NAALAD2: variants seen among roughly 807,000 people sequenced by gnomAD.
The protein encoded by NAALAD2 is N-acetylated alpha-linked acidic dipeptidase 2, also known as N-acetylated-alpha-linked acidic dipeptidase 2.
NAALAD2 carries 89 observed loss-of-function variants against 95.6 expected under a neutral mutation model. The observed-to-expected ratio is 0.93, with a 90% CI of 0.78 to 1.11. The LOEUF is 1.11. NAALAD2 is among the 50% of genes least tolerant of loss of function. The probability of loss-of-function intolerance (pLI) is 0.00; values close to 1 mark genes in which losing one functional copy is unlikely to be tolerated. For synonymous variants in NAALAD2, 264 were observed against 294.4 expected (o/e 0.90, Z 1.06); for missense variants, 894 against 872.4 (o/e 1.02, Z -0.31).
At chr11:90,182,547 C>T (rs1953004697) in intron 17 of NAALAD2, among the ~76,000 whole-genome samples, 1 of 152,070 alleles carries the variant, frequency 6.6e-6, no homozygotes, top group Admixed American at 6.6e-5. Context: ...TTATCTGCTC[C>T]TTTTTTCAGC....
In NAALAD2 at chr11:90,135,627, C is replaced by A; in HGVS notation, c.151C>A (p.Leu51Met). ...VRYHQSIRWK[L>M]VSEMKAENIK... ...CTATCATCAAAGTATACGGTGGAAA[C>A]TGGTATCCGAAATGAAAGCTGAAAA... The change falls in exon 2 of 19, where the codon CTG becomes ATG. Residue 51 changes from leucine (L) to methionine (M), a missense_variant. Coordinates refer to ENST00000534061, the MANE Select transcript of NAALAD2 (RefSeq NM_005467.4). 1.2e-6 allele frequency: 2 copies of A among 1,613,430 alleles called. No individual in the cohort carries two copies. The highest frequency in any genetic ancestry group is 8.5e-7 in the Non-Finnish European group (1 of 1,179,670).
intron 2 of NAALAD2, among the ~76,000 whole-genome samples, chr11:90,146,998 C>T (rs900435671): frequency 3.7e-4 from 57 of 152,206 alleles, no homozygotes; most frequent in African/African-American, 1.4e-3. Context: ...CAAAATGTCT[C>T]TGTTCTCTGA....
At chr11:90,178,219 A>G in intron 16 of NAALAD2, 102 bp downstream of exon 16, 1 of 1,305,120 alleles carries the variant, frequency 7.7e-7, no homozygotes, top group Non-Finnish European at 1.0e-6. Context: ...TAGAATACAT[A>G]TTTGCCTTAC....
chr11:90,173,615 A>T (rs1952705244), intron 13 of NAALAD2, among the ~76,000 whole-genome samples: 1 of 152,222 alleles, frequency 6.6e-6, no homozygotes, highest in Admixed American at 6.5e-5. Context: ...ACAGGTAGAC[A>T]TCATGAATAA....
chr11:90,155,326 TAATG>T (rs1435545380), intron 6 of NAALAD2, among the ~76,000 whole-genome samples: 1 of 118,136 alleles, frequency 8.5e-6, no homozygotes, highest in South Asian at 2.5e-4. Context: ...ATATAATATA[TAATG>T]TATAATTATA....
intron 2 of NAALAD2, among the ~76,000 whole-genome samples, chr11:90,146,084 G>A (rs1008794306): frequency 6.6e-6 from 1 of 152,002 alleles, no homozygotes; most frequent in Admixed American, 6.5e-5. Flanking sequence ...TTTATTAGCT[G>A]TAAAATTATG....
At chr11:90,169,865 A>G (rs574320483) in intron 12 of NAALAD2, among the ~76,000 whole-genome samples, 2 of 152,214 alleles carry the variant, frequency 1.3e-5, no homozygotes, top group Non-Finnish European at 2.9e-5. Flanking sequence ...AAGTCCACCA[A>G]GACCTTCTAC....
chr11:90,189,340 A>G (rs982536635), intron 18 of NAALAD2, among the ~76,000 whole-genome samples: 1 of 152,356 alleles, frequency 6.6e-6, no homozygotes, highest in East Asian at 1.9e-4. Flanking sequence ...GGTAATTTGC[A>G]CAGCAGCAAT....
intron 1 of NAALAD2, among the ~76,000 whole-genome samples, chr11:90,135,352 C>G (rs190304402): frequency 6.6e-6 from 1 of 152,154 alleles, no homozygotes; most frequent in Non-Finnish European, 1.5e-5. Context: ...AAATAAAACT[C>G]CTTTTAAGCA....
intron 8 of NAALAD2, among the ~76,000 whole-genome samples, chr11:90,161,712 A>G (rs375672847): frequency 5.5e-4 from 83 of 152,244 alleles, no homozygotes; most frequent in African/African-American, 1.8e-3. Context: ...GTTTAGACTA[A>G]TATCAATTTT....
At chr11:90,169,104 A>G in intron 12 of NAALAD2, 112 bp downstream of exon 12, 1 of 676,336 alleles carries the variant, frequency 1.5e-6, no homozygotes, top group South Asian at 2.2e-5. Context: ...CTAGCTTATT[A>G]AGCACCTCAG....
At chr11:90,161,990 T>A (rs1952311669) in intron 8 of NAALAD2, among the ~76,000 whole-genome samples, 1 of 152,034 alleles carries the variant, frequency 6.6e-6, no homozygotes, top group East Asian at 1.9e-4. Context: ...GCAAATGGAT[T>A]AAATATCAGA....
chr11:90,155,266 A>G (rs1952030851), intron 6 of NAALAD2, among the ~76,000 whole-genome samples: 1 of 124,174 alleles, frequency 8.1e-6, no homozygotes, highest in Admixed American at 9.9e-5. Flanking sequence ...ATATGTATAT[A>G]GAATGTATAT....
chr11:90,173,711 A>G (rs1206505442), intron 13 of NAALAD2, 113 bp from the exon 14 acceptor site: 5 of 651,660 alleles, frequency 7.7e-6, no homozygotes, highest in Non-Finnish European at 1.3e-5. Flanking sequence ...AAATATATAC[A>G]TGTACATATG....
intron 2 of NAALAD2, among the ~76,000 whole-genome samples, chr11:90,140,435 C>T (rs983033418): frequency 9.0e-5 from 12 of 133,654 alleles, no homozygotes; most frequent in Middle Eastern, 3.5e-3. Context: ...TTCATGCATT[C>T]GTGACAAACC....
chr11:90,162,771 C>T (rs555699623), intron 8 of NAALAD2, 178 bp from the exon 9 acceptor site: 17 of 407,238 alleles, frequency 4.2e-5, no homozygotes, highest in Non-Finnish European at 6.7e-5. Context: ...ACCTTACTTG[C>T]AAATGCTTCA....
At position 90,163,037 on chromosome 11, in the gene NAALAD2, G is replaced by A. The variant is rs1426341608; in HGVS notation, c.1075+3G>A. ...TATCAGAGGATCTGTGGAACCTGGT[G>A]AGTCACATAATTTTTTAAAACATTT... On this transcript the variant is annotated splice_donor_region_variant and intron_variant, in intron 9 of 18. Coordinates refer to ENST00000534061, the MANE Select transcript of NAALAD2 (RefSeq NM_005467.4). 2 of 1,534,728 alleles carry A rather than the reference G, an allele frequency of 1.3e-6. No homozygotes were observed. The highest frequency in any genetic ancestry group is 2.3e-5 in the East Asian group (1 of 43,960).
chr11:90,160,916 C>G (rs906366231), intron 8 of NAALAD2, among the ~76,000 whole-genome samples: 4 of 152,160 alleles, frequency 2.6e-5, no homozygotes, highest in African/African-American at 9.7e-5. Flanking sequence ...TCACAGAGAT[C>G]TTGAAAATCC....
At chr11:90,163,485 T>G (rs1490134792) in intron 10 of NAALAD2, 50 bp from the exon 11 acceptor site, 1 of 1,613,174 alleles carries the variant, frequency 6.2e-7, no homozygotes. Context: ...GAATTTTCTT[T>G]TATTTTTTAG....
Sources: gnomAD v4.1 joint callset for allele counts (sites outside exome capture counted in the v4.1 genomes callset) on GRCh38, gnomAD v4.1.1 for gene constraint, MANE v1.5 for transcripts, NCBI Gene and HGNC (gene_info 2026-07-23, HGNC 2026-07-21) for gene names.